The following TMPRSS11D variants were observed in gnomAD, a reference collection of about 807,000 sequenced individuals.
TMPRSS11D encodes transmembrane serine protease 11D.
TMPRSS11D carries 32 observed loss-of-function variants against 44.4 expected under a neutral mutation model. The observed-to-expected ratio is 0.72, with a 90% CI of 0.54 to 0.97. The LOEUF (loss-of-function observed/expected upper bound fraction) is 0.97, where lower values mean the gene tolerates loss of function less well. Among genes scored for constraint, TMPRSS11D ranks in the 50% least tolerant of loss-of-function variants. TMPRSS11D has a pLI of 0.00. For missense variants in TMPRSS11D, 446 were observed against 502.6 expected (o/e 0.89, Z 1.08); for synonymous variants, 179 against 177.9 (o/e 1.01, Z -0.05).
chr4:67,836,296 C>G (rs1460398418), intron 5 of TMPRSS11D, among the ~76,000 whole-genome samples: 1 of 152,064 alleles, frequency 6.6e-6, no homozygotes, highest in East Asian at 1.9e-4. Flanking sequence ...CCAGACTGAT[C>G]TTTTTAAAAA....
chr4:67,826,361 A>T (rs1717792176), intron 8 of TMPRSS11D, among the ~76,000 whole-genome samples: 1 of 152,102 alleles, frequency 6.6e-6, no homozygotes. Flanking sequence ...GGGCCATAAG[A>T]ACACAATAGA....
At chr4:67,841,347 G>A (rs914347664) in intron 4 of TMPRSS11D, among the ~76,000 whole-genome samples, 1 of 152,098 alleles carries the variant, frequency 6.6e-6, no homozygotes, top group African/African-American at 2.4e-5. Flanking sequence ...AAACTAAGAA[G>A]GAATAGCTAG....
chr4:67,845,896 A>C (rs1214588349), intron 3 of TMPRSS11D, among the ~76,000 whole-genome samples: 1 of 152,176 alleles, frequency 6.6e-6, no homozygotes, highest in African/African-American at 2.4e-5. Flanking sequence ...AGGTTGAAAC[A>C]CTGCACACAG....
intron 1 of TMPRSS11D, among the ~76,000 whole-genome samples, chr4:67,883,083 T>C (rs1487509252): frequency 6.6e-6 from 1 of 151,996 alleles, no homozygotes; most frequent in African/African-American, 2.4e-5. Flanking sequence ...GGTTTGACTT[T>C]TGATTGAATT....
At chr4:67,844,285 C>T (rs1328072287) in intron 3 of TMPRSS11D, among the ~76,000 whole-genome samples, 1 of 152,146 alleles carries the variant, frequency 6.6e-6, no homozygotes, top group Non-Finnish European at 1.5e-5. Flanking sequence ...CACAATATAT[C>T]TTACTTTTTC....
rs1185671001 is a variant in TMPRSS11D, at chr4:67,821,667, C to T, written c.*670G>A. 1 of 151,824 alleles carries T rather than the reference C, an allele frequency of 6.6e-6. No homozygotes were observed. Among genetic ancestry groups the T allele is most frequent in the East Asian group, 1.9e-4 (1 of 5,174 alleles). 9.4% of individuals were successfully genotyped at this position (151,824 alleles called of 1,614,324 possible). A position where few individuals can be genotyped will look rare whatever the true frequency, so the allele number is the denominator to read the frequency against. On this transcript the variant is annotated 3_prime_UTR_variant, in exon 10 of 10. Transcript: ENST00000283916. ...GTCATCATGAAAAATATCTATAATTCTTTGGGTCTCAGTTGAGGAGTGAAC... is the reference window on the plus strand; with the variant it reads ...GTCATCATGAAAAATATCTATAATTTTTTGGGTCTCAGTTGAGGAGTGAAC...
intron 7 of TMPRSS11D, among the ~76,000 whole-genome samples, chr4:67,827,746 G>A (rs1422964355): frequency 6.6e-6 from 1 of 151,960 alleles, no homozygotes; most frequent in East Asian, 1.9e-4. Flanking sequence ...ACATATCGTG[G>A]GGTGATCTTG....
intron 5 of TMPRSS11D, among the ~76,000 whole-genome samples, chr4:67,836,914 C>T (rs1407261901): frequency 6.6e-6 from 1 of 152,036 alleles, no homozygotes; most frequent in Non-Finnish European, 1.5e-5. Context: ...TATGTAAATC[C>T]TACCCATATT....
chr4:67,855,975 G>A (rs951192951), intron 2 of TMPRSS11D, among the ~76,000 whole-genome samples: 30 of 152,082 alleles, frequency 2.0e-4, no homozygotes, highest in African/African-American at 7.2e-4. Context: ...AAACACTGAT[G>A]AAAGAAATGG....
At chr4:67,876,491 C>T (rs58285634) in intron 1 of TMPRSS11D, among the ~76,000 whole-genome samples, 10,408 of 151,822 alleles carry the variant, frequency 0.069, 485 homozygotes, top group African/African-American at 0.14. Flanking sequence ...TCAAGGTGTA[C>T]GACATGATAT....
chr4:67,827,069 A>G (rs1249766788), intron 8 of TMPRSS11D, among the ~76,000 whole-genome samples, 192 bp downstream of exon 8: 1 of 152,078 alleles, frequency 6.6e-6, no homozygotes, highest in Non-Finnish European at 1.5e-5. Flanking sequence ...GAATTCCCAT[A>G]GTTTCTGGAG....
chr4:67,860,688 A>C (rs1718773902), intron 1 of TMPRSS11D, among the ~76,000 whole-genome samples: 1 of 152,106 alleles, frequency 6.6e-6, no homozygotes, highest in Admixed American at 6.6e-5. Flanking sequence ...CGCCTGTGTT[A>C]ATTCTTGACA....
chr4:67,866,123 A>T (rs1010295878), intron 1 of TMPRSS11D, among the ~76,000 whole-genome samples: 4 of 151,950 alleles, frequency 2.6e-5, no homozygotes, highest in African/African-American at 9.7e-5. Context: ...ACTGAATCCA[A>T]CAGCACATCA....
rs561420216 is a variant in TMPRSS11D at position 67,863,328 on chromosome 4, CAA to C, written c.9-3652_9-3651del. Among the ~76,000 whole-genome samples the C allele has an allele frequency of 5.8e-3, 514 of 89,138 alleles. 25 individuals are homozygous for C. In the East Asian group the frequency reaches 0.13, roughly 22 times the overall value. 58.5% of individuals were successfully genotyped at this position (89,138 alleles called of 152,430 possible). ...ATAGAAAACCAAAACTGGTCTTGCT[CAA>C]AAAAAAAAAAAAAAAAGAAAAGAAA... On this transcript the variant is annotated intron_variant, in intron 1 of 9. Transcript: ENST00000283916.
chr4:67,880,443 TTTTTAATTGGGGATAGTATGGCG>T (rs1719293099), intron 1 of TMPRSS11D, among the ~76,000 whole-genome samples: 1 of 152,140 alleles, frequency 6.6e-6, no homozygotes, highest in Admixed American at 6.5e-5. Context: ...GAGGGATTTT[TTTTTAATTGGGGATAGTATGGCG>T]TGTCTTTATG....
chr4:67,869,453 T>G (rs1469230591), intron 1 of TMPRSS11D, among the ~76,000 whole-genome samples: 2 of 152,168 alleles, frequency 1.3e-5, no homozygotes, highest in Admixed American at 6.5e-5. Context: ...GTATGTAACC[T>G]ATAATATATA....
At chr4:67,879,495 G>A (rs143779564) in intron 1 of TMPRSS11D, among the ~76,000 whole-genome samples, 1,472 of 137,026 alleles carry the variant, frequency 0.011, 20 homozygotes, top group African/African-American at 0.038. Flanking sequence ...AAAAAGAAAA[G>A]CACTTAAACT....
chr4:67,832,474 C>A (rs1352149697), intron 7 of TMPRSS11D, among the ~76,000 whole-genome samples: 1 of 151,922 alleles, frequency 6.6e-6, no homozygotes, highest in African/African-American at 2.4e-5. Context: ...GCAACCTACT[C>A]GCCACTGGTA....
chr4:67,831,649 C>T (rs12511924), intron 7 of TMPRSS11D, among the ~76,000 whole-genome samples: 117,665 of 151,946 alleles, frequency 0.77, 46,842 homozygotes, highest in Middle Eastern at 0.88. Flanking sequence ...CTCAAGAGTA[C>T]GATTGAAATC....
Sources: allele counts gnomAD v4.1 joint callset (sites outside exome capture counted in the v4.1 genomes callset), GRCh38; gene constraint gnomAD v4.1.1; transcripts MANE v1.5; gene names NCBI Gene and HGNC (gene_info 2026-07-23, HGNC 2026-07-21).